Variants in KLHL29 observed in about 807,000 individuals in gnomAD.
The protein encoded by KLHL29 is kelch-like protein 29.
A neutral mutation model predicts 80.4 loss-of-function variants in KLHL29; 21 were observed. The observed-to-expected ratio is 0.26, with a 90% CI of 0.19 to 0.38. The LOEUF (loss-of-function observed/expected upper bound fraction) is 0.38. KLHL29 is among the 10% of genes least tolerant of loss of function. KLHL29 has a pLI of 1.00. For synonymous variants in KLHL29, 511 were observed against 526.8 expected (o/e 0.97, Z 0.41); for missense variants, 867 against 1,223.9 (o/e 0.71, Z 4.35).
intron 1 of KLHL29, among the ~76,000 whole-genome samples, chr2:23,436,280 T>TTGTGTGTG (rs57931176): frequency 0.015 from 2,056 of 136,990 alleles, 18 homozygotes; most frequent in Non-Finnish European, 0.018. Flanking sequence ...CCAATCAGCT[T>TTGTGTGTG]TGTGTGTGTG....
At position 23,572,983 on chromosome 2, in the gene KLHL29, C is replaced by T. The variant is rs568102027; in HGVS notation, c.285+10502C>T. On this transcript the variant is annotated intron_variant, in intron 3 of 13. Transcript: ENST00000486442. ...GATTACAGGCGTGAGCCACCGCGCC[C>T]GGCCCAAAAACAGTAATTTCTGTGG... Among the ~76,000 whole-genome samples the T allele has an allele frequency of 5.9e-5, 9 of 152,318 alleles. 1 individual carries two copies. Among genetic ancestry groups the T allele is most frequent in the South Asian group, 4.1e-4 (2 of 4,826 alleles).
intron 2 of KLHL29, among the ~76,000 whole-genome samples, chr2:23,511,650 T>G (rs530815625): frequency 6.6e-6 from 1 of 152,358 alleles, no homozygotes; most frequent in East Asian, 1.9e-4. Context: ...CCCTTTTGTC[T>G]TTATCAAAAC....
In KLHL29 at chr2:23,562,064, A is replaced by T. The variant is rs1421074758; in HGVS notation, c.-45-88A>T. ...GCTAATGTTTGAAGGCCTGTTATTG[A>T]ACCCAGAGAAGGGGCTTCATGGATG... On this transcript the variant is annotated intron_variant, in intron 2 of 13. Transcript: ENST00000486442. This position sits in a 1 kb window ranked among gnomAD's most constrained non-coding sequence, Gnocchi z 4.5. 1.2e-5 allele frequency: 12 copies of T among 983,602 alleles called. No individual in the cohort carries two copies. The highest frequency in any genetic ancestry group is 1.6e-5 in the Non-Finnish European group (11 of 667,594). 60.9% of individuals were successfully genotyped at this position (983,602 alleles called of 1,614,324 possible).
chr2:23,590,314 G>A (rs1434193358), intron 3 of KLHL29, among the ~76,000 whole-genome samples: 1 of 152,216 alleles, frequency 6.6e-6, no homozygotes, highest in Non-Finnish European at 1.5e-5. Flanking sequence ...CAGAGTTCTA[G>A]CTTCTGGTTT....
At position 23,510,077 on chromosome 2, in the gene KLHL29, G is replaced by A. The variant is rs557555153; in HGVS notation, c.-46+34410G>A. 4.5e-4 allele frequency among the ~76,000 whole-genome samples: 68 copies of A among 152,254 alleles called. 2 individuals are homozygous for A. The South Asian group carries it at 0.012, about 28-fold the overall frequency. On this transcript the variant is annotated intron_variant, in intron 2 of 13. Transcript: ENST00000486442. ...TCACCCATACCCCAGGGAGAAAACA[G>A]GATCAAGGAGAGGAGGAAATGAGAC...
rs1671987841 is a variant in KLHL29 at position 23,696,768 on chromosome 2, C to G, written c.2105+255C>G. 7 of 398,602 alleles carry G rather than the reference C, an allele frequency of 1.8e-5. No homozygotes were observed. Among genetic ancestry groups the G allele is most frequent in the Middle Eastern group, 6.7e-4 (1 of 1,496 alleles). The allele number at this position is 398,602 out of a possible 1,614,324, so 24.7% of individuals were successfully genotyped here. The stretch of plus-strand genomic sequence containing the variant: ...GATGGGGCGCTTCTGTCCCGACAAC[C>G]CATTTAGGTGTCAGACAAGCTGGAG... On this transcript the variant is annotated intron_variant, in intron 11 of 13. Coordinates refer to ENST00000486442, the MANE Select transcript of KLHL29 (RefSeq NM_052920.2). The surrounding 1 kb of genome is among the most constrained non-coding windows in gnomAD (Gnocchi z 5.5).
chr2:23,567,340 A>G (rs1667612186), intron 3 of KLHL29, among the ~76,000 whole-genome samples: 2 of 152,202 alleles, frequency 1.3e-5, no homozygotes, highest in South Asian at 4.1e-4. Context: ...TCATGCTGAA[A>G]CATTCCCATC....
intron 1 of KLHL29, among the ~76,000 whole-genome samples, chr2:23,434,316 G>A (rs1243391284): frequency 5.2e-5 from 4 of 77,300 alleles, no homozygotes; most frequent in South Asian, 1.2e-3. Flanking sequence ...GCGAGACTCC[G>A]TCTCAAAAAA....
intron 1 of KLHL29, among the ~76,000 whole-genome samples, chr2:23,453,356 G>C (rs1663945583): frequency 6.6e-6 from 1 of 152,232 alleles, no homozygotes; most frequent in South Asian, 2.1e-4. Flanking sequence ...TGCCAGCCAA[G>C]GGCCCACAGG....
chr2:23,607,715 A>G (rs929115871), intron 3 of KLHL29, among the ~76,000 whole-genome samples: 2 of 152,152 alleles, frequency 1.3e-5, no homozygotes, highest in Admixed American at 6.5e-5. Context: ...CGTGAACCCT[A>G]TTGTGAACTG....
At chr2:23,650,510 C>T (rs1035484591) in intron 5 of KLHL29, among the ~76,000 whole-genome samples, 6 of 152,224 alleles carry the variant, frequency 3.9e-5, no homozygotes, top group Non-Finnish European at 8.8e-5. Context: ...TAGCTGACGT[C>T]TTAGCCTCAT....
At chr2:23,639,809 C>T (rs970559784) in intron 4 of KLHL29, among the ~76,000 whole-genome samples, 2 of 152,172 alleles carry the variant, frequency 1.3e-5, no homozygotes, top group African/African-American at 4.8e-5. Context: ...TCGATTTGGC[C>T]CTCCACACAA....
chr2:23,413,037 C>T (rs1444422948), intron 1 of KLHL29, among the ~76,000 whole-genome samples: 2 of 152,120 alleles, frequency 1.3e-5, no homozygotes, highest in Admixed American at 6.6e-5. Context: ...GCAATTTTCT[C>T]GTTTGCCTTC....
intron 1 of KLHL29, among the ~76,000 whole-genome samples, chr2:23,410,777 C>A (rs563769441): frequency 6.6e-6 from 1 of 151,952 alleles, no homozygotes; most frequent in Admixed American, 6.6e-5. Flanking sequence ...CTGGCTGAGT[C>A]AAGAATGGAG....
Position 23,524,028 on chromosome 2 carries a change from T to A in KLHL29, c.-45-38124T>A, listed in dbSNP as rs202014984. On this transcript the variant is annotated intron_variant, in intron 2 of 13. Coordinates refer to ENST00000486442, the MANE Select transcript of KLHL29 (RefSeq NM_052920.2). ...AGCGTTGCTCTGTCATGTGAATGAGTTTTTTTTACCAGCATGCCTTCCTCT... is the reference window on the plus strand; with the variant it reads ...AGCGTTGCTCTGTCATGTGAATGAGATTTTTTTACCAGCATGCCTTCCTCT... 3.8e-4 allele frequency: 177 copies of A among 470,980 alleles called. No individual in the cohort carries two copies. The Middle Eastern group carries it at 8.1e-3, about 22-fold the overall frequency. 29.2% of individuals were successfully genotyped at this position (470,980 alleles called of 1,614,324 possible). A position where few individuals can be genotyped will look rare whatever the true frequency, so the allele number is the denominator to read the frequency against.
intron 1 of KLHL29, among the ~76,000 whole-genome samples, chr2:23,389,392 T>C (rs527279439): frequency 1.3e-5 from 2 of 152,342 alleles, no homozygotes; most frequent in South Asian, 4.1e-4. Context: ...GGCAAAGTAA[T>C]TGGAACACTT....
At chr2:23,623,405 C>T (rs1669234196) in intron 3 of KLHL29, among the ~76,000 whole-genome samples, 1 of 152,180 alleles carries the variant, frequency 6.6e-6, no homozygotes, top group Non-Finnish European at 1.5e-5. Context: ...GGGGAGCGAG[C>T]TCTGTTTTCT....
chr2:23,399,183 T>C (rs1357843013), intron 1 of KLHL29, among the ~76,000 whole-genome samples: 2 of 152,364 alleles, frequency 1.3e-5, no homozygotes, highest in African/African-American at 4.8e-5. Context: ...GCATGCCTGC[T>C]CCCCATTTGC....
chr2:23,572,291 C>G (rs1667734797), intron 3 of KLHL29, among the ~76,000 whole-genome samples: 1 of 152,212 alleles, frequency 6.6e-6, no homozygotes, highest in African/African-American at 2.4e-5. Context: ...ATTGTCATTT[C>G]CTCTCTTTCC....
Sources: gnomAD v4.1 joint callset for allele counts (sites outside exome capture counted in the v4.1 genomes callset) on GRCh38, gnomAD v4.1.1 for gene constraint, Gnocchi (gnomAD v3.1) non-coding constraint, MANE v1.5 for transcripts, NCBI Gene and HGNC (gene_info 2026-07-23, HGNC 2026-07-21) for gene names.